Variants in CCDC9 observed in about 807,000 individuals in gnomAD.
CCDC9 encodes the protein coiled-coil domain-containing protein 9.
CCDC9 carries 52 observed loss-of-function variants against 65.6 expected under a neutral mutation model. The observed-to-expected ratio is 0.79, with a 90% CI of 0.63 to 1.00. The LOEUF is 1.00. Among genes scored for constraint, CCDC9 ranks in the 50% least tolerant of loss-of-function variants. The pLI is 0.00. For missense variants in CCDC9, 834 were observed against 757.2 expected (o/e 1.10, Z -1.19); for synonymous variants, 332 against 280.3 (o/e 1.18, Z -1.84).
intron 5 of CCDC9, among the ~76,000 whole-genome samples, chr19:47,262,323 T>A (rs936299442): frequency 6.6e-6 from 1 of 151,596 alleles, no homozygotes; most frequent in African/African-American, 2.4e-5. Context: ...TTCAAGCAAT[T>A]CTTGTGCTTC....
chr19:47,273,642 C>G, downstream of CCDC9: 1 of 392,912 alleles, frequency 2.5e-6, no homozygotes. Flanking sequence ...CAACGGGGGA[C>G]GTCACGGCAC....
At chr19:47,274,839 G>A (rs1232937086), downstream of CCDC9, 17 of 911,770 alleles carry the variant, frequency 1.9e-5, no homozygotes, top group Non-Finnish European at 2.1e-5. Flanking sequence ...TAGAGAGCGG[G>A]GCGGTCTGCG....
chr19:47,269,510 C>G (rs886181800), intron 8 of CCDC9, among the ~76,000 whole-genome samples: 6 of 152,018 alleles, frequency 3.9e-5, no homozygotes, highest in Non-Finnish European at 8.8e-5. Flanking sequence ...GCCACCAAGC[C>G]CGGCTAATTT....
rs1451061196 is a variant in CCDC9, at chr19:47,271,520, C to T, written c.1438C>T (p.Pro480Ser). The T allele has an allele frequency of 6.2e-6, 10 of 1,612,816 alleles. No individual in the cohort carries two copies. Among genetic ancestry groups the T allele is most frequent in the South Asian group, 1.1e-5 (1 of 91,048 alleles). The change falls in exon 12 of 12, where the codon CCC (proline) becomes TCC (serine). Residue 480 changes from proline (P) to serine (S), a missense_variant. Pro to Ser is a moderately conservative substitution (Grantham distance 74, BLOSUM62 -1). Coordinates refer to ENST00000221922, the MANE Select transcript of CCDC9 (RefSeq NM_015603.3). ...PFSPEEPLLE[P>S]QAPGTPSSPF... ...CAGTCCGGAGGAGCCCCTGCTGGAG[C>T]CCCAGGCCCCTGGCACGCCTTCCAG...
downstream of CCDC9, chr19:47,273,452 G>T (rs1344581418): frequency 9.5e-5 from 112 of 1,179,044 alleles, no homozygotes; most frequent in Non-Finnish European, 1.1e-4. Flanking sequence ...GCCGGGGGCC[G>T]CTCGCTGACC....
downstream of CCDC9, chr19:47,273,485 C>T (rs1462498369): frequency 3.7e-6 from 3 of 815,354 alleles, no homozygotes; most frequent in African/African-American, 3.5e-5. Context: ...CCGCGGCCTC[C>T]GCGCTCTGCA....
downstream of CCDC9, chr19:47,275,192 C>T (rs1254454369): frequency 1.3e-6 from 2 of 1,494,534 alleles, no homozygotes; most frequent in Middle Eastern, 2.2e-4. Context: ...CCGCCGCTGC[C>T]TCCCTCTCCT....
intron 2 of CCDC9, 38 bp downstream of exon 2, chr19:47,258,441 T>TGG: frequency 6.2e-7 from 1 of 1,613,786 alleles, no homozygotes; most frequent in Non-Finnish European, 8.5e-7. Context: ...ATCTGAGTTT[T>TGG]GGGGAAGGGG....
intron 8 of CCDC9, among the ~76,000 whole-genome samples, chr19:47,269,891 T>G (rs896740308): frequency 1.3e-5 from 2 of 152,120 alleles, no homozygotes; most frequent in African/African-American, 4.8e-5. Context: ...AATTTTTGTT[T>G]TGGCGCCCAC....
In CCDC9 at chr19:47,271,654, G is replaced by C; in HGVS notation, c.1572G>C (p.Glu524Asp). ...TGGCTGGCGCCCTCTCCCCGGGTGA[G>C]GCCTGGCCTTTTGAGAGTGTATGAA... ...THLAGALSPGEAWPFESV is the reference protein window; with the variant it reads ...THLAGALSPGDAWPFESV Residue 524 changes from glutamate to aspartate, a missense_variant, in exon 12 of 12, where the codon GAG (glutamate) becomes GAC (aspartate). By Grantham distance (45) the Glu-to-Asp change is conservative. Transcript: ENST00000221922. The C allele has an allele frequency of 1.9e-6, 3 of 1,601,176 alleles. No individual in the cohort carries two copies. In the South Asian group the frequency reaches 3.3e-5, roughly 18 times the overall value.
chr19:47,265,399 C>G (rs1011750957), intron 7 of CCDC9, among the ~76,000 whole-genome samples: 5 of 151,972 alleles, frequency 3.3e-5, no homozygotes, highest in Non-Finnish European at 7.4e-5. Context: ...TGTTTCCTGC[C>G]AAGGTAAATC....
At chr19:47,267,464 A>T (rs1396910369) in intron 8 of CCDC9, among the ~76,000 whole-genome samples, 1 of 152,122 alleles carries the variant, frequency 6.6e-6, no homozygotes, top group East Asian at 1.9e-4. Flanking sequence ...GAGCTGATCC[A>T]GGCTGGACGC....
chr19:47,265,204 G>A (rs895688129), intron 7 of CCDC9, among the ~76,000 whole-genome samples: 27 of 152,148 alleles, frequency 1.8e-4, no homozygotes, highest in African/African-American at 6.5e-4. Flanking sequence ...ACAGGCAAGT[G>A]CCACCACACC....
At position 47,271,689 on chromosome 19, in the gene CCDC9, C is replaced by CTCTGTGTGTGTGTGTGTGTG; in HGVS notation, c.*12_*13insCTGTGTGTGTGTGTGTGTGT. The CTCTGTGTGTGTGTGTGTGTG allele has an allele frequency of 8.9e-7, 1 of 1,125,996 alleles. No individual in the cohort carries two copies. Among genetic ancestry groups the CTCTGTGTGTGTGTGTGTGTG allele is most frequent in the Non-Finnish European group, 1.2e-6 (1 of 803,498 alleles). The allele number at this position is 1,125,996 out of a possible 1,614,324, so 69.8% of individuals were successfully genotyped here. Reference sequence around the variant, plus strand: ...TTTGAGAGTGTATGAAGCTGGCTGCCTGTGTGTGTGTGTGTGTGTGTGTGT... The same window carrying CTCTGTGTGTGTGTGTGTGTG: ...TTTGAGAGTGTATGAAGCTGGCTGCCTCTGTGTGTGTGTGTGTGTGTGTGTGTGTGTGTGTGTGTGTGTGT... On this transcript the variant is annotated 3_prime_UTR_variant, in exon 12 of 12. Transcript: ENST00000221922.
intron 3 of CCDC9, among the ~76,000 whole-genome samples, chr19:47,259,442 G>C (rs997610375): frequency 6.6e-6 from 1 of 152,122 alleles, no homozygotes; most frequent in Non-Finnish European, 1.5e-5. Context: ...CAAGGAGGAA[G>C]CTGGGGCTGG....
At chr19:47,260,194 CCTT>C in intron 3 of CCDC9, 124 bp from the exon 4 acceptor site, 1 of 660,022 alleles carries the variant, frequency 1.5e-6, no homozygotes, top group Non-Finnish European at 2.7e-6. Flanking sequence ...ATATGAGCGG[CCTT>C]CTTGTTCAGA....
intron 8 of CCDC9, among the ~76,000 whole-genome samples, chr19:47,268,231 A>G (rs1449058645): frequency 1.3e-5 from 2 of 152,168 alleles, no homozygotes; most frequent in Non-Finnish European, 2.9e-5. Context: ...CAAAGCCCTC[A>G]TTGCATCATC....
rs149424614 is a variant in CCDC9, at chr19:47,271,284, T to G, written c.1202T>G (p.Ile401Ser). The G allele has an allele frequency of 2.4e-3, 3,894 of 1,611,972 alleles. 14 individuals carry two copies. The highest frequency in any genetic ancestry group is 3.0e-3 in the Non-Finnish European group (3,581 of 1,179,146). The part of the protein sequence containing the change: ...PKETPMQPPE[I>S]PAPAHRPPED... ...CCTGTGTCCCCAAAGCCACCCGAGA[T>G]CCCAGCTCCTGCCCACCGGCCTCCT... Residue 401 changes from isoleucine (I) to serine (S), a missense_variant, in exon 12 of 12, where the codon ATC (isoleucine) becomes AGC (serine). Transcript: ENST00000221922.
chr19:47,272,827 C>A (rs952614073), downstream of CCDC9, among the ~76,000 whole-genome samples: 1 of 152,046 alleles, frequency 6.6e-6, no homozygotes, highest in Non-Finnish European at 1.5e-5. Flanking sequence ...CGACGAAGTG[C>A]GAGCAAGAGG....
Sources: gnomAD v4.1 joint callset for allele counts (sites outside exome capture counted in the v4.1 genomes callset) on GRCh38, gnomAD v4.1.1 for gene constraint, MANE v1.5 for transcripts, NCBI Gene and HGNC (gene_info 2026-07-23, HGNC 2026-07-21) for gene names.